MDGA2: variants seen among roughly 807,000 people sequenced by gnomAD.
The protein encoded by MDGA2 is MAM domain-containing glycosylphosphatidylinositol anchor protein 2.
MDGA2 carries 40 observed loss-of-function variants against 117.8 expected under a neutral mutation model. The ratio of observed to expected loss-of-function variants is 0.34; its 90% CI spans 0.26 to 0.44. MDGA2 has a LOEUF of 0.44. Ranked by LOEUF, MDGA2 falls within the 20% of genes least tolerant of loss-of-function variation. The pLI is 1.00. For synonymous variants in MDGA2, 452 were observed against 439.0 expected, an observed-to-expected ratio of 1.03 and a Z score of -0.37; for missense variants, 1,123 against 1,250.6, an observed-to-expected ratio of 0.90 and a Z score of 1.54.
intron 1 of MDGA2, among the ~76,000 whole-genome samples, chr14:47,533,917 G>T (rs1438424133): frequency 2.0e-5 from 3 of 152,138 alleles, no homozygotes; most frequent in Non-Finnish European, 4.4e-5. Flanking sequence ...TACAAATATG[G>T]CATTCCCTTA....
At chr14:47,300,968 A>G (rs1889258810) in intron 2 of MDGA2, among the ~76,000 whole-genome samples, 1 of 152,298 alleles carries the variant, frequency 6.6e-6, no homozygotes, top group South Asian at 2.1e-4. Flanking sequence ...GACAAGGAGT[A>G]AGAAAAGTAT....
intron 2 of MDGA2, among the ~76,000 whole-genome samples, chr14:47,225,003 T>C (rs1392639454): frequency 6.6e-6 from 1 of 152,188 alleles, no homozygotes; most frequent in Non-Finnish European, 1.5e-5. Context: ...TATAGCAATA[T>C]GTCACACTTA....
chr14:47,589,224 C>T (rs906200537), intron 1 of MDGA2, among the ~76,000 whole-genome samples: 1 of 151,890 alleles, frequency 6.6e-6, no homozygotes, highest in Non-Finnish European at 1.5e-5. Flanking sequence ...GTCACTTATG[C>T]TTTTGATGTT....
intron 1 of MDGA2, among the ~76,000 whole-genome samples, chr14:47,561,163 G>GTTTTTTTTTTTTTTTTTTTTTTTTTT (rs1309865250): frequency 2.4e-5 from 2 of 83,876 alleles, no homozygotes; most frequent in African/African-American, 8.3e-5. Flanking sequence ...GTTTTGTTTT[G>GTTTTTTTTTTTTTTTTTTTTTTTTTT]TTTTTTTGTT....
At chr14:47,014,961 T>C (rs1888029381) in intron 8 of MDGA2, among the ~76,000 whole-genome samples, 1 of 152,150 alleles carries the variant, frequency 6.6e-6, no homozygotes, top group Non-Finnish European at 1.5e-5. Context: ...TTTTAGCTTT[T>C]GATTTAACAA....
chr14:47,637,232 G>C (rs1478488816), intron 1 of MDGA2, among the ~76,000 whole-genome samples: 1 of 152,118 alleles, frequency 6.6e-6, no homozygotes, highest in South Asian at 2.1e-4. Context: ...CAGTTGGCTA[G>C]GGGTACAAAC....
intron 1 of MDGA2, among the ~76,000 whole-genome samples, chr14:47,508,621 A>G (rs184382935): frequency 4.6e-5 from 7 of 152,232 alleles, no homozygotes; most frequent in African/African-American, 7.2e-5. Flanking sequence ...ATAGGAGGCA[A>G]TAAGATAAAC....
At chr14:47,458,543 G>C (rs1319927519) in intron 1 of MDGA2, among the ~76,000 whole-genome samples, 17 of 152,104 alleles carry the variant, frequency 1.1e-4, no homozygotes, top group Admixed American at 1.1e-3. Flanking sequence ...GGGGTACAAA[G>C]TTTCAGTTAT....
chr14:46,877,850 A>C (rs1417109409), intron 11 of MDGA2, among the ~76,000 whole-genome samples: 1 of 151,918 alleles, frequency 6.6e-6, no homozygotes, highest in African/African-American at 2.4e-5. Flanking sequence ...CTGAGGCTGA[A>C]ACTAGGCCAA....
intron 1 of MDGA2, among the ~76,000 whole-genome samples, chr14:47,468,532 A>G (rs1249544409): frequency 6.6e-6 from 1 of 152,162 alleles, no homozygotes; most frequent in Non-Finnish European, 1.5e-5. Context: ...GATGAGGACT[A>G]AGAGTTGAGA....
At chr14:46,945,157 T>C (rs1042330395) in intron 9 of MDGA2, among the ~76,000 whole-genome samples, 2 of 152,112 alleles carry the variant, frequency 1.3e-5, no homozygotes, top group Non-Finnish European at 1.5e-5. Flanking sequence ...GAACCTTTGT[T>C]TGCCATTTAC....
chr14:47,516,939 A>G (rs932986619), intron 1 of MDGA2, among the ~76,000 whole-genome samples: 1 of 152,190 alleles, frequency 6.6e-6, no homozygotes, highest in Non-Finnish European at 1.5e-5. Flanking sequence ...TAAGAACAAA[A>G]AAAGTGGACA....
intron 1 of MDGA2, among the ~76,000 whole-genome samples, chr14:47,328,275 G>C (rs141885288): frequency 6.6e-6 from 1 of 152,206 alleles, no homozygotes; most frequent in African/African-American, 2.4e-5. Flanking sequence ...AACAGAAAGG[G>C]AAAGATTTTC....
intron 2 of MDGA2, among the ~76,000 whole-genome samples, chr14:47,300,075 C>G (rs1047963364): frequency 6.6e-6 from 1 of 152,000 alleles, no homozygotes; most frequent in Non-Finnish European, 1.5e-5. Flanking sequence ...TTTATCATTT[C>G]AGAGTCAAAA....
intron 8 of MDGA2, among the ~76,000 whole-genome samples, chr14:46,975,075 C>T (rs1348220891): frequency 1.3e-5 from 2 of 151,676 alleles, no homozygotes; most frequent in Non-Finnish European, 2.9e-5. Flanking sequence ...ACTCAAATGG[C>T]CAATAAGCAC....
intron 8 of MDGA2, among the ~76,000 whole-genome samples, chr14:47,030,830 T>C (rs1406891057): frequency 6.6e-6 from 1 of 152,174 alleles, no homozygotes; most frequent in African/African-American, 2.4e-5. Context: ...AACACTTATA[T>C]TTTCAACTTC....
intron 14 of MDGA2, among the ~76,000 whole-genome samples, chr14:46,872,771 A>G (rs1049721387): frequency 6.6e-6 from 1 of 151,976 alleles, no homozygotes; most frequent in Admixed American, 6.6e-5. Flanking sequence ...AGAATTGCAC[A>G]TAAAGAATGG....
chr14:47,193,438 G>T (rs1163529925), intron 3 of MDGA2, among the ~76,000 whole-genome samples: 1 of 152,062 alleles, frequency 6.6e-6, no homozygotes, highest in East Asian at 1.9e-4. Flanking sequence ...TTAACCATGT[G>T]ACTATGTAAT....
intron 14 of MDGA2, among the ~76,000 whole-genome samples, chr14:46,861,747 G>C (rs185787005): frequency 6.5e-4 from 99 of 151,930 alleles, no homozygotes; most frequent in Non-Finnish European, 7.4e-5. Context: ...ACTTATTACT[G>C]ATATATTTTA....
Sources: allele counts gnomAD v4.1 joint callset (sites outside exome capture counted in the v4.1 genomes callset), GRCh38; gene constraint gnomAD v4.1.1; transcripts MANE v1.5; gene names NCBI Gene and HGNC (gene_info 2026-07-23, HGNC 2026-07-21).